The following NKAIN2 variants were observed in gnomAD, a reference collection of about 807,000 sequenced individuals.
NKAIN2 encodes the protein sodium/potassium transporting ATPase interacting 2.
In NKAIN2, 14 loss-of-function variants were observed where a neutral mutation model predicts 32.6. That is an observed-to-expected ratio of 0.43 (90% CI 0.28 to 0.67). The LOEUF (loss-of-function observed/expected upper bound fraction) is 0.67. Among genes scored for constraint, NKAIN2 ranks in the 30% least tolerant of loss-of-function variants. The probability of loss-of-function intolerance (pLI) is 0.17; values close to 1 mark genes in which losing one functional copy is unlikely to be tolerated. For synonymous variants in NKAIN2, 80 were observed against 87.2 expected (o/e 0.92, Z 0.46); for missense variants, 198 against 258.3 (o/e 0.77, Z 1.60).
chr6:124,638,625 G>A (rs1363886771), intron 3 of NKAIN2, among the ~76,000 whole-genome samples: 1 of 152,106 alleles, frequency 6.6e-6, no homozygotes, highest in Non-Finnish European at 1.5e-5. Context: ...GCCGGGCGCG[G>A]TGGCTCACGC....
At chr6:124,477,710 CTTACTCT>C (rs1562209827) in intron 3 of NKAIN2, among the ~76,000 whole-genome samples, 1 of 6,430 alleles carries the variant, frequency 1.6e-4, no homozygotes, top group Non-Finnish European at 3.2e-4. Flanking sequence ...CTCCCTCCCC[CTTACTCT>C]TCCCCCTTCC....
intron 1 of NKAIN2, among the ~76,000 whole-genome samples, chr6:124,012,334 A>ATT (rs36026416): frequency 0.034 from 4,224 of 123,118 alleles, 201 homozygotes; most frequent in African/African-American, 0.067. Context: ...ACTCTACATG[A>ATT]TTTTTTTTTT....
intron 4 of NKAIN2, among the ~76,000 whole-genome samples, chr6:124,745,816 A>C (rs1376732960): frequency 2.0e-5 from 3 of 151,868 alleles, no homozygotes; most frequent in Admixed American, 6.6e-5. Flanking sequence ...TCATCCTATA[A>C]GATTGCCTAC....
At chr6:124,379,688 C>G (rs1772538756) in intron 3 of NKAIN2, among the ~76,000 whole-genome samples, 2 of 152,198 alleles carry the variant, frequency 1.3e-5, no homozygotes, top group South Asian at 2.1e-4. Context: ...AACATCTCTA[C>G]AGAAGGAAGT....
chr6:124,714,845 G>A (rs1189814215), intron 4 of NKAIN2, among the ~76,000 whole-genome samples: 2 of 152,142 alleles, frequency 1.3e-5, no homozygotes, highest in Non-Finnish European at 2.9e-5. Context: ...CCAAGAAACG[G>A]AGGCTCTGAA....
rs2114958272 is a variant in NKAIN2 at position 124,294,970 on chromosome 6, A to G, written c.192+11828A>G. Among the ~76,000 whole-genome samples the G allele has an allele frequency of 2.0e-5, 3 of 152,298 alleles. No homozygotes were observed. In the Middle Eastern group the frequency reaches 0.01, roughly 518 times the overall value. ...GTAAAAGAAATGTTTGGCTGCAAGT[A>G]TTAAGCTCATTTTATCTACAATTCA... On this transcript the variant is annotated intron_variant, in intron 2 of 6. Coordinates refer to ENST00000368417, the MANE Select transcript of NKAIN2 (RefSeq NM_001040214.3).
chr6:124,711,828 C>G (rs1363461559), intron 4 of NKAIN2, among the ~76,000 whole-genome samples: 1 of 152,196 alleles, frequency 6.6e-6, no homozygotes, highest in African/African-American at 2.4e-5. Flanking sequence ...TCGTCAAAGT[C>G]ATTCTCCATC....
At position 123,971,699 on chromosome 6, in the gene NKAIN2, G is replaced by A. The variant is rs538861913; in HGVS notation, c.54+167445G>A. ...ATTGGCTGGAGTGGGGAAGGTTTGGGGGATTTTCTTATCAGCTGTCTTCTG... is the reference window on the plus strand; with the variant it reads ...ATTGGCTGGAGTGGGGAAGGTTTGGAGGATTTTCTTATCAGCTGTCTTCTG... On this transcript the variant is annotated intron_variant, in intron 1 of 6. Coordinates refer to ENST00000368417, the MANE Select transcript of NKAIN2 (RefSeq NM_001040214.3). Among the ~76,000 whole-genome samples, 6 of 152,246 alleles carry A rather than the reference G, an allele frequency of 3.9e-5. No homozygotes were observed. The South Asian group carries it at 1.0e-3, about 26-fold the overall frequency.
chr6:124,580,040 C>G (rs1781466062), intron 3 of NKAIN2, among the ~76,000 whole-genome samples: 9 of 152,142 alleles, frequency 5.9e-5, no homozygotes, highest in Admixed American at 5.9e-4. Context: ...CAAACAAAAG[C>G]TGAGGGACTT....
chr6:124,504,449 A>G (rs999007300), intron 3 of NKAIN2, among the ~76,000 whole-genome samples: 3 of 152,192 alleles, frequency 2.0e-5, no homozygotes, highest in East Asian at 1.9e-4. Flanking sequence ...TAAAGTGATT[A>G]CAAAATACTT....
chr6:123,838,753 G>C (rs142216960), intron 1 of NKAIN2, among the ~76,000 whole-genome samples: 1 of 152,024 alleles, frequency 6.6e-6, no homozygotes, highest in Non-Finnish European at 1.5e-5. Context: ...GGGGACCAGC[G>C]CATCTTTTTA....
chr6:124,116,582 ATTGTTT>A (rs952224598), intron 1 of NKAIN2, among the ~76,000 whole-genome samples: 19 of 152,064 alleles, frequency 1.2e-4, no homozygotes, highest in East Asian at 3.9e-4. Context: ...TGAAAAAAAC[ATTGTTT>A]TTGTTTTTGT....
At chr6:124,686,596 C>T (rs1773891673) in intron 4 of NKAIN2, among the ~76,000 whole-genome samples, 1 of 152,126 alleles carries the variant, frequency 6.6e-6, no homozygotes, top group Non-Finnish European at 1.5e-5. Context: ...GGCCTCACCT[C>T]CAACATTGGG....
At chr6:124,726,085 C>G (rs1210418917) in intron 4 of NKAIN2, among the ~76,000 whole-genome samples, 6 of 152,196 alleles carry the variant, frequency 3.9e-5, no homozygotes, top group Non-Finnish European at 7.3e-5. Context: ...TGATTGCTAG[C>G]ACAGCAGTCT....
intron 4 of NKAIN2, among the ~76,000 whole-genome samples, chr6:124,780,227 G>A (rs183663044): frequency 3.7e-4 from 57 of 152,222 alleles, no homozygotes; most frequent in African/African-American, 1.3e-3. Flanking sequence ...AGGAACTTTC[G>A]GGGGTAGTAG....
intron 3 of NKAIN2, among the ~76,000 whole-genome samples, chr6:124,358,465 A>G (rs181161254): frequency 0.18 from 27,924 of 151,832 alleles, 2,987 homozygotes; most frequent in Admixed American, 0.28. Flanking sequence ...AATGATCACC[A>G]TTCTAACTGG....
At position 124,701,138 on chromosome 6, in the gene NKAIN2, T is replaced by G. The variant is rs925859837; in HGVS notation, c.474+42752T>G. Among the ~76,000 whole-genome samples, 5 of 119,004 alleles carry G rather than the reference T, an allele frequency of 4.2e-5. No homozygotes were observed. In the Admixed American group the frequency reaches 4.2e-4, roughly 10 times the overall value. The allele number at this position is 119,004 out of a possible 152,430, so 78.1% of individuals were successfully genotyped here. ...TAGTTGATAAAACTAAGGAGAGAGATACACACACACACACGCACACACACA... is the reference window on the plus strand; with the variant it reads ...TAGTTGATAAAACTAAGGAGAGAGAGACACACACACACACGCACACACACA... On this transcript the variant is annotated intron_variant, in intron 4 of 6. Transcript: ENST00000368417.
At chr6:124,649,904 A>G (rs1039685655) in intron 3 of NKAIN2, among the ~76,000 whole-genome samples, 5 of 152,224 alleles carry the variant, frequency 3.3e-5, no homozygotes, top group African/African-American at 1.2e-4. Context: ...TGTACCTCAC[A>G]TCAGTAGATG....
intron 4 of NKAIN2, among the ~76,000 whole-genome samples, chr6:124,666,593 TCAAGTTTTGGTTAAAGTCAACA>T (rs1772809617): frequency 1.3e-5 from 2 of 152,176 alleles, no homozygotes; most frequent in African/African-American, 4.8e-5. Flanking sequence ...GTAATGTCAA[TCAAGTTTTGGTTAAAGTCAACA>T]GTATACAATT....
Sources: allele counts gnomAD v4.1 joint callset (sites outside exome capture counted in the v4.1 genomes callset), GRCh38; gene constraint gnomAD v4.1.1; transcripts MANE v1.5; gene names NCBI Gene and HGNC (gene_info 2026-07-23, HGNC 2026-07-21).